SFI1: variants seen among roughly 807,000 people sequenced by gnomAD.
SFI1 encodes the protein SFI1 centrin binding protein, also known as protein SFI1 homolog.
Under a neutral mutation model 207.5 loss-of-function variants are expected in SFI1, and 195 were observed. The observed-to-expected ratio is 0.94, with a 90% CI of 0.84 to 1.06. SFI1 has a LOEUF of 1.06. SFI1 is among the 50% of genes least tolerant of loss of function. The pLI is 0.00. For missense variants in SFI1, 1,634 were observed against 1,588.0 expected, an observed-to-expected ratio of 1.03 and a Z score of -0.49; for synonymous variants, 630 against 598.9, an observed-to-expected ratio of 1.05 and a Z score of -0.76.
Position 31,512,280 on chromosome 22 carries a change from G to A in SFI1, c.92+3904G>A, listed in dbSNP as rs142201745. Among the ~76,000 whole-genome samples the A allele has an allele frequency of 4.2e-3, 633 of 151,410 alleles. 2 individuals carry two copies. Among genetic ancestry groups the A allele is most frequent in the African/African-American group, 0.014 (598 of 41,338 alleles). On this transcript the variant is annotated intron_variant, in intron 2 of 32. Transcript: ENST00000400288. Reference sequence around the variant, plus strand: ...TGAGGCAGAAGAATTGCTTGAACCCGGGAGGCGGAGGTTGCGGTAAGCTGA... The same window carrying A: ...TGAGGCAGAAGAATTGCTTGAACCCAGGAGGCGGAGGTTGCGGTAAGCTGA...
At chr22:31,535,588 C>T (rs1268950519) in intron 4 of SFI1, among the ~76,000 whole-genome samples, 1 of 151,960 alleles carries the variant, frequency 6.6e-6, no homozygotes, top group Non-Finnish European at 1.5e-5. Context: ...ACTGCAACCT[C>T]TGCCTCCTAG....
At chr22:31,614,063 T>A in intron 27 of SFI1, 1 of 648,916 alleles carries the variant, frequency 1.5e-6, no homozygotes, top group Non-Finnish European at 2.4e-6. Flanking sequence ...CCAAACCCTC[T>A]CTCCTTTGCC....
intron 8 of SFI1, among the ~76,000 whole-genome samples, chr22:31,568,291 CAG>C (rs2062597405): frequency 6.7e-6 from 1 of 148,240 alleles, no homozygotes. Flanking sequence ...CTTTGGGAGG[CAG>C]AGGCAGGTGG....
At position 31,615,078 on chromosome 22, in the gene SFI1, C is replaced by T. The variant is rs781051566; in HGVS notation, c.3099C>T (p.Gly1033=). Reference sequence around the variant, plus strand: ...AGAAGCCACAGGAACATGGCCTAGGCATGGCTCAGCCAGCAGCCCCCTCCC... The same window carrying T: ...AGAAGCCACAGGAACATGGCCTAGGTATGGCTCAGCCAGCAGCCCCCTCCC... ...RPQKPQEHGL[G]MAQPAAPSLT... is the part of the protein sequence containing the mutation. Residue 1033 remains glycine, a synonymous_variant, in exon 29 of 33, where the codon GGC becomes GGT. Transcript: ENST00000400288. 1.2e-6 allele frequency: 2 copies of T among 1,608,474 alleles called. No individual in the cohort carries two copies. Among genetic ancestry groups the T allele is most frequent in the Admixed American group, 1.7e-5 (1 of 59,364 alleles).
chr22:31,593,986 A>AGGGAGAGGG, intron 15 of SFI1, among the ~76,000 whole-genome samples: 1 of 27,548 alleles, frequency 3.6e-5, no homozygotes, highest in African/African-American at 1.2e-4. Context: ...GGAGACGGAG[A>AGGGAGAGGG]CGAGGGAGAG....
chr22:31,513,421 G>T (rs1456216667), intron 2 of SFI1, among the ~76,000 whole-genome samples: 1 of 152,112 alleles, frequency 6.6e-6, no homozygotes, highest in Non-Finnish European at 1.5e-5. Context: ...AAAGTGCTCA[G>T]ACTACAGGCG....
At chr22:31,530,251 G>A (rs1236237715) in intron 3 of SFI1, among the ~76,000 whole-genome samples, 2 of 145,692 alleles carry the variant, frequency 1.4e-5, no homozygotes, top group Non-Finnish European at 3.0e-5. Flanking sequence ...AGCACTTTGG[G>A]AGGCCGAGGC....
chr22:31,550,387 A>G (rs771226489), intron 6 of SFI1, 39 bp downstream of exon 6: 3 of 1,531,868 alleles, frequency 2.0e-6, no homozygotes, highest in Non-Finnish European at 1.8e-6. Flanking sequence ...AGATGCCCAC[A>G]TTTACTTTGC....
chr22:31,572,963 T>C, intron 8 of SFI1, 95 bp from the exon 9 acceptor site: 1 of 1,301,234 alleles, frequency 7.7e-7, no homozygotes, highest in Non-Finnish European at 1.1e-6. Flanking sequence ...TTTCAGCCTT[T>C]CCAGCGTGTG....
intron 8 of SFI1, chr22:31,572,727 T>G (rs2063079118): frequency 5.9e-6 from 1 of 170,696 alleles, no homozygotes; most frequent in African/African-American, 2.4e-5. Flanking sequence ...GGTCTCAAAC[T>G]CCTAACCTCA....
At chr22:31,604,679 C>T in intron 19 of SFI1, 190 bp from the exon 20 acceptor site, 1 of 597,772 alleles carries the variant, frequency 1.7e-6, no homozygotes, top group African/African-American at 1.9e-5. Context: ...GAGGTGAGGG[C>T]CTGTGAGACA....
intron 8 of SFI1, among the ~76,000 whole-genome samples, chr22:31,562,685 G>A (rs1231686203): frequency 6.6e-6 from 1 of 151,870 alleles, no homozygotes; most frequent in East Asian, 1.9e-4. Context: ...CCAGGCTGGA[G>A]TGGAGTGGCA....
chr22:31,530,932 C>T (rs978951512), intron 3 of SFI1, 126 bp from the exon 4 acceptor site: 120 of 692,556 alleles, frequency 1.7e-4, no homozygotes, highest in African/African-American at 1.5e-3. Context: ...GCTATGATAC[C>T]GCCTTTTGAT....
intron 2 of SFI1, among the ~76,000 whole-genome samples, chr22:31,514,451 T>C (rs2056163977): frequency 7.4e-6 from 1 of 135,318 alleles, no homozygotes; most frequent in Non-Finnish European, 1.5e-5. Flanking sequence ...GAGCTTGCAG[T>C]GAGCCAAGAT....
At position 31,592,998 on chromosome 22, in the gene SFI1, C is replaced by G. The variant is rs2066326076; in HGVS notation, c.1544+3421C>G. Among the ~76,000 whole-genome samples the G allele has an allele frequency of 2.4e-5, 3 of 127,386 alleles. No individual in the cohort carries two copies. The South Asian group carries it at 7.5e-4, about 32-fold the overall frequency. 83.6% of individuals were successfully genotyped at this position (127,386 alleles called of 152,430 possible). ...CCGGGCGGGGGGCTGACCCCCCCAC[C>G]TCCCTCCCGGACGGCACGGCTGGCC... On this transcript the variant is annotated intron_variant, in intron 15 of 32. Coordinates refer to ENST00000400288, the MANE Select transcript of SFI1 (RefSeq NM_001007467.3).
chr22:31,612,006 A>G (rs2147269423), intron 24 of SFI1, 166 bp downstream of exon 24: 2 of 1,419,616 alleles, frequency 1.4e-6, no homozygotes, highest in African/African-American at 1.4e-5. Flanking sequence ...CAGGCACATC[A>G]GCTTCCTTCC....
At chr22:31,508,506 A>T in intron 2 of SFI1, 130 bp downstream of exon 2, 2 of 627,762 alleles carry the variant, frequency 3.2e-6, no homozygotes, top group Middle Eastern at 4.4e-4. Context: ...TTTGTCATTG[A>T]TATTTCAAAT....
intron 22 of SFI1, among the ~76,000 whole-genome samples, chr22:31,610,296 A>G (rs1603349514): frequency 6.6e-6 from 1 of 152,110 alleles, no homozygotes; most frequent in African/African-American, 2.4e-5. Context: ...CTGAGTCTCA[A>G]TGTCTTCATC....
At chr22:31,565,590 T>C (rs2062213854) in intron 8 of SFI1, among the ~76,000 whole-genome samples, 1 of 151,590 alleles carries the variant, frequency 6.6e-6, no homozygotes, top group Non-Finnish European at 1.5e-5. Context: ...TCCCAGCTAC[T>C]TGGGAGGCTT....
Sources: allele counts gnomAD v4.1 joint callset (sites outside exome capture counted in the v4.1 genomes callset), GRCh38; gene constraint gnomAD v4.1.1; transcripts MANE v1.5; gene names NCBI Gene and HGNC (gene_info 2026-07-23, HGNC 2026-07-21).